Variants in RNF144A observed in about 807,000 individuals in gnomAD.
RNF144A encodes the protein ring finger protein 144A, also known as E3 ubiquitin-protein ligase RNF144A.
RNF144A carries 11 observed loss-of-function variants against 38.7 expected under a neutral mutation model. The ratio of observed to expected loss-of-function variants is 0.28; its 90% CI spans 0.18 to 0.47. The LOEUF (loss-of-function observed/expected upper bound fraction) is 0.47, where lower values mean the gene tolerates loss of function less well. RNF144A is among the 20% of genes least tolerant of loss of function. RNF144A has a pLI of 0.99. For missense variants in RNF144A, 316 were observed against 377.2 expected (o/e 0.84, Z 1.34); for synonymous variants, 149 against 143.9 (o/e 1.04, Z -0.25).
chr2:7,045,385 T>G (rs141099740), downstream of RNF144A, among the ~76,000 whole-genome samples: 3 of 152,290 alleles, frequency 2.0e-5, no homozygotes, highest in African/African-American at 7.2e-5. Context: ...AAGGTTCAGG[T>G]ATCTGCAGGG....
At chr2:7,074,286 G>T in the RNF144A span, among the ~76,000 whole-genome samples, 4 of 152,086 alleles carry the variant, frequency 2.6e-5, no homozygotes, top group Non-Finnish European at 4.4e-5. Context: ...TTCTGGGCCT[G>T]CCTACCCACC....
intron 2 of RNF144A, among the ~76,000 whole-genome samples, chr2:6,972,489 G>T (rs1025496170): frequency 1.3e-5 from 2 of 152,330 alleles, no homozygotes; most frequent in African/African-American, 4.8e-5. Flanking sequence ...GCCCCGGGGG[G>T]TTTGTTCCTT....
chr2:6,936,437 G>T (rs915265462), intron 1 of RNF144A, among the ~76,000 whole-genome samples: 1 of 152,070 alleles, frequency 6.6e-6, no homozygotes, highest in African/African-American at 2.4e-5. Flanking sequence ...AGACTGCAAA[G>T]TTCTGAAGGT....
intron 1 of RNF144A, among the ~76,000 whole-genome samples, chr2:6,940,712 T>G (rs532747858): frequency 9.2e-5 from 14 of 152,290 alleles, no homozygotes; most frequent in African/African-American, 3.1e-4. Flanking sequence ...GAGGGACAGT[T>G]TGTTATCTCA....
chr2:6,927,768 T>C (rs1453319730), intron 1 of RNF144A, among the ~76,000 whole-genome samples: 1 of 152,252 alleles, frequency 6.6e-6, no homozygotes, highest in East Asian at 1.9e-4. Context: ...TATATTTTGG[T>C]CATATTGGGT....
intron 1 of RNF144A, among the ~76,000 whole-genome samples, chr2:6,925,028 G>A (rs754158486): frequency 2.6e-5 from 4 of 152,184 alleles, no homozygotes; most frequent in Non-Finnish European, 4.4e-5. Flanking sequence ...GTTTTCTGGC[G>A]ACCTCGATTG....
At chr2:6,963,511 A>G (rs139916327) in intron 2 of RNF144A, among the ~76,000 whole-genome samples, 7 of 152,296 alleles carry the variant, frequency 4.6e-5, no homozygotes, top group African/African-American at 1.7e-4. Flanking sequence ...TCTCAGAATG[A>G]ATCTGTGTAA....
chr2:7,060,416 C>A (rs1184385337), intron 6 of RNF144A, among the ~76,000 whole-genome samples: 1 of 152,148 alleles, frequency 6.6e-6, no homozygotes, highest in Non-Finnish European at 1.5e-5. Context: ...CTGTCATTTT[C>A]TTCAGGCACA....
chr2:7,003,104 T>C (rs1382300954), intron 3 of RNF144A, among the ~76,000 whole-genome samples: 1 of 150,112 alleles, frequency 6.7e-6, no homozygotes, highest in East Asian at 1.9e-4. Context: ...TACGTATATA[T>C]ACACATATAT....
At position 7,041,301 on chromosome 2, in the gene RNF144A, A is replaced by C; in HGVS notation, c.*1541A>C. The C allele has an allele frequency of 1.0e-6, 1 of 985,808 alleles. No individual in the cohort carries two copies. Among genetic ancestry groups the C allele is most frequent in the Non-Finnish European group, 1.2e-6 (1 of 829,920 alleles). 61.1% of individuals were successfully genotyped at this position (985,808 alleles called of 1,614,324 possible). ...GAGTATCAGTCTCAGGTCCTAGTTT[A>C]CTTTCCCTGGTTGGAAATTTATTTC... On this transcript the variant is annotated 3_prime_UTR_variant, in exon 9 of 9. Coordinates refer to ENST00000320892, the MANE Select transcript of RNF144A (RefSeq NM_014746.6).
At chr2:6,948,062 A>G (rs1558374811) in intron 2 of RNF144A, among the ~76,000 whole-genome samples, 1 of 152,238 alleles carries the variant, frequency 6.6e-6, no homozygotes, top group Non-Finnish European at 1.5e-5. Context: ...GTCAGTGTGT[A>G]TAACTGGTGG....
chr2:7,031,340 CCTT>C (rs148972358), intron 8 of RNF144A, among the ~76,000 whole-genome samples: 10,297 of 152,230 alleles, frequency 0.068, 418 homozygotes, highest in Middle Eastern at 0.18. Flanking sequence ...ACAGATGTGT[CCTT>C]CTACGGAACT....
intron 6 of RNF144A, among the ~76,000 whole-genome samples, chr2:7,051,399 A>G (rs1356182026): frequency 6.6e-6 from 1 of 152,092 alleles, no homozygotes; most frequent in Non-Finnish European, 1.5e-5. Flanking sequence ...GCCAGGCTGG[A>G]GGATTTCAGG....
intron 8 of RNF144A, among the ~76,000 whole-genome samples, chr2:7,035,851 C>T (rs912018830): frequency 5.3e-5 from 8 of 152,164 alleles, no homozygotes; most frequent in South Asian, 2.1e-4. Flanking sequence ...TCTTGTCAAA[C>T]GGAAAACAGT....
chr2:6,937,448 A>G (rs960415273), intron 1 of RNF144A, among the ~76,000 whole-genome samples: 1 of 152,218 alleles, frequency 6.6e-6, no homozygotes, highest in Non-Finnish European at 1.5e-5. Flanking sequence ...TCTTTTTATA[A>G]TGCAGCTGGG....
intron 2 of RNF144A, among the ~76,000 whole-genome samples, chr2:6,948,952 C>T (rs1390913691): frequency 6.6e-6 from 1 of 152,164 alleles, no homozygotes; most frequent in Admixed American, 6.5e-5. Context: ...ACTGTGAAGT[C>T]CATTGGTGGA....
intron 7 of RNF144A, among the ~76,000 whole-genome samples, chr2:7,028,033 C>T (rs535322317): frequency 1.1e-4 from 16 of 152,168 alleles, no homozygotes; most frequent in Admixed American, 9.8e-4. Flanking sequence ...TTGTCATCTC[C>T]CTGACGAGCC....
chr2:6,976,911 G>A (rs908778890), intron 2 of RNF144A, among the ~76,000 whole-genome samples: 6 of 151,838 alleles, frequency 4.0e-5, no homozygotes, highest in African/African-American at 9.7e-5. Context: ...GGTCTGATAC[G>A]CCTTTGAAAA....
intron 2 of RNF144A, among the ~76,000 whole-genome samples, chr2:6,975,965 G>A (rs1385833211): frequency 6.6e-6 from 1 of 152,216 alleles, no homozygotes; most frequent in African/African-American, 2.4e-5. Flanking sequence ...CATTTGAATG[G>A]ATAGAAGGCT....
Sources: allele counts gnomAD v4.1 joint callset (sites outside exome capture counted in the v4.1 genomes callset), GRCh38; gene constraint gnomAD v4.1.1; transcripts MANE v1.5; gene names NCBI Gene and HGNC (gene_info 2026-07-23, HGNC 2026-07-21).